The following ASCC3 variants were observed in gnomAD, a reference collection of about 807,000 sequenced individuals.
The protein encoded by ASCC3 is ASC-1 complex subunit P200.
Under a neutral mutation model 256.3 loss-of-function variants are expected in ASCC3, and 158 were observed. That is an observed-to-expected ratio of 0.62 (90% CI 0.54 to 0.70). The LOEUF is 0.70. ASCC3 is among the 30% of genes least tolerant of loss of function. ASCC3 has a pLI of 0.00. For synonymous variants in ASCC3, 948 were observed against 883.4 expected (o/e 1.07, Z -1.30); for missense variants, 2,259 against 2,626.0 (o/e 0.86, Z 3.05).
chr6:100,864,515 ATAT>A (rs1217685204), intron 2 of ASCC3, among the ~76,000 whole-genome samples: 1 of 152,162 alleles, frequency 6.6e-6, no homozygotes, highest in South Asian at 2.1e-4. Context: ...CCAGATAACA[ATAT>A]TATTATTGTT....
intron 16 of ASCC3, 88 bp from the exon 17 acceptor site, chr6:100,655,906 T>C: frequency 7.0e-7 from 1 of 1,428,950 alleles, no homozygotes; most frequent in Non-Finnish European, 9.8e-7. Flanking sequence ...GGTGAAGTTT[T>C]AAAAATACAT....
At chr6:100,784,636 A>G (rs1207912864) in intron 8 of ASCC3, among the ~76,000 whole-genome samples, 2 of 152,114 alleles carry the variant, frequency 1.3e-5, no homozygotes, top group African/African-American at 4.8e-5. Context: ...GTAGCTAATT[A>G]AATATATTAA....
At chr6:100,651,535 T>G in intron 19 of ASCC3, 25 bp downstream of exon 19, 2 of 1,452,988 alleles carry the variant, frequency 1.4e-6, no homozygotes, top group Non-Finnish European at 1.9e-6. Flanking sequence ...TGTATGCATT[T>G]GATTCAAATT....
At chr6:100,736,139 C>G (rs1056258985) in intron 10 of ASCC3, among the ~76,000 whole-genome samples, 1 of 142,328 alleles carries the variant, frequency 7.0e-6, no homozygotes, top group Admixed American at 7.1e-5. Flanking sequence ...ATTATCGATA[C>G]CACAATATTG....
intron 14 of ASCC3, among the ~76,000 whole-genome samples, chr6:100,677,809 T>TA (rs1777103269): frequency 6.6e-6 from 1 of 151,758 alleles, no homozygotes; most frequent in Admixed American, 6.6e-5. Context: ...TCAAGTATAA[T>TA]AAAAATATAA....
At chr6:100,650,271 A>G (rs903950561) in intron 20 of ASCC3, among the ~76,000 whole-genome samples, 6 of 151,720 alleles carry the variant, frequency 4.0e-5, no homozygotes, top group African/African-American at 7.2e-5. Flanking sequence ...TTTAAAGTAG[A>G]AAAAAATCAG....
chr6:100,581,404 T>A (rs1771250414), intron 36 of ASCC3, among the ~76,000 whole-genome samples: 1 of 152,206 alleles, frequency 6.6e-6, no homozygotes, highest in South Asian at 2.1e-4. Flanking sequence ...TCTGTTCATG[T>A]CCTTCACCCA....
At chr6:100,735,154 A>G (rs1246058817) in intron 10 of ASCC3, among the ~76,000 whole-genome samples, 1 of 152,210 alleles carries the variant, frequency 6.6e-6, no homozygotes, top group Non-Finnish European at 1.5e-5. Context: ...ATCAGTGTAT[A>G]TAATAGGAAA....
intron 41 of ASCC3, 124 bp from the exon 42 acceptor site, chr6:100,509,657 T>C (rs1047041942): frequency 1.0e-6 from 1 of 993,476 alleles, no homozygotes; most frequent in Non-Finnish European, 1.5e-6. Flanking sequence ...TCCCAGCACT[T>C]TGGGAGGCCG....
At position 100,589,652 on chromosome 6, in the gene ASCC3, T is replaced by C. The variant is rs749303101; in HGVS notation, c.5532A>G (p.Glu1844=). 6 of 1,613,600 alleles carry C rather than the reference T, an allele frequency of 3.7e-6. No homozygotes were observed. The highest frequency in any genetic ancestry group is 8.5e-7 in the Non-Finnish European group (1 of 1,179,756). The change falls in exon 36 of 42, where the codon GAA becomes GAG. Residue 1844 remains glutamate (E), a synonymous_variant. Transcript: ENST00000369162. ...AACTCACACTTAGAATTGAAAGCAG[T>C]TCTTCAGTACTGCATTCAGGCTTCA... ...DRLKPECSTE[E]LLSILSDAEE... is the part of the protein sequence containing the mutation.
chr6:100,735,947 C>A (rs1238842107), intron 10 of ASCC3, among the ~76,000 whole-genome samples: 1 of 152,076 alleles, frequency 6.6e-6, no homozygotes. Context: ...CATCTCCATA[C>A]CCACATTTTC....
intron 11 of ASCC3, among the ~76,000 whole-genome samples, chr6:100,719,838 C>T (rs1345844495): frequency 6.6e-6 from 1 of 151,924 alleles, no homozygotes; most frequent in African/African-American, 2.4e-5. Flanking sequence ...CTGATAAAGT[C>T]TCCCTACTTA....
At chr6:100,815,811 A>G (rs548102007) in intron 4 of ASCC3, among the ~76,000 whole-genome samples, 34 of 152,286 alleles carry the variant, frequency 2.2e-4, no homozygotes, top group Middle Eastern at 3.4e-3. Context: ...CTAAAACTAT[A>G]AAAATCCTGG....
At chr6:100,850,773 A>G (rs1397735373) in intron 3 of ASCC3, among the ~76,000 whole-genome samples, 1 of 152,204 alleles carries the variant, frequency 6.6e-6, no homozygotes, top group Non-Finnish European at 1.5e-5. Context: ...AAAATCTATA[A>G]ATAGTGCTTT....
intron 30 of ASCC3, among the ~76,000 whole-genome samples, chr6:100,611,105 C>T (rs888811774): frequency 1.3e-5 from 2 of 152,136 alleles, no homozygotes; most frequent in Non-Finnish European, 2.9e-5. Flanking sequence ...CATTAATATT[C>T]TGTCTTTTAC....
At chr6:100,731,819 A>G (rs2115051059) in intron 10 of ASCC3, among the ~76,000 whole-genome samples, 1 of 152,324 alleles carries the variant, frequency 6.6e-6, no homozygotes, top group East Asian at 1.9e-4. Flanking sequence ...CTACATTTGT[A>G]AAACCCAGTT....
chr6:100,865,953 C>CATTTATTTATTTATTTATTTATTT (rs59777780), intron 2 of ASCC3, among the ~76,000 whole-genome samples: 3 of 148,732 alleles, frequency 2.0e-5, no homozygotes, highest in East Asian at 2.0e-4. Flanking sequence ...TAAATAATTT[C>CATTTATTTATTTATTTATTTATTT]ATTTATTTAT....
chr6:100,781,647 C>T (rs1277035001), intron 8 of ASCC3, among the ~76,000 whole-genome samples: 1 of 151,492 alleles, frequency 6.6e-6, no homozygotes, highest in Admixed American at 6.6e-5. Context: ...CTCGGCCTCC[C>T]AAAGGGCTGG....
chr6:100,674,840 C>T (rs932009344), intron 14 of ASCC3, among the ~76,000 whole-genome samples: 7 of 151,904 alleles, frequency 4.6e-5, no homozygotes, highest in African/African-American at 1.7e-4. Flanking sequence ...ACCATGTTGC[C>T]AGGCTGATCT....
Sources: allele counts gnomAD v4.1 joint callset (sites outside exome capture counted in the v4.1 genomes callset), GRCh38; gene constraint gnomAD v4.1.1; transcripts MANE v1.5; gene names NCBI Gene and HGNC (gene_info 2026-07-23, HGNC 2026-07-21).